Variants in CACNA1F observed in about 807,000 individuals in gnomAD.
CACNA1F encodes the protein voltage-dependent L-type calcium channel subunit alpha-1F.
CACNA1F carries 59 observed loss-of-function variants against 143.8 expected under a neutral mutation model. That is an observed-to-expected ratio of 0.41 (90% CI 0.33 to 0.51). The LOEUF is 0.51. Among genes scored for constraint, CACNA1F ranks in the 20% least tolerant of loss-of-function variants. The probability of loss-of-function intolerance (pLI) is 0.22; values close to 1 mark genes in which losing one functional copy is unlikely to be tolerated. For synonymous variants in CACNA1F, 643 were observed against 649.1 expected, an observed-to-expected ratio of 0.99 and a Z score of 0.14; for missense variants, 1,411 against 1,647.5, an observed-to-expected ratio of 0.86 and a Z score of 2.48.
chrX:49,215,564 G>A, intron 27 of CACNA1F, 21 bp from the exon 28 acceptor site: 1 of 875,836 alleles, frequency 1.1e-6, no homozygotes, highest in Middle Eastern at 3.2e-4. Context: ...CAGAGGGGGG[G>A]TAGAGGTGGG....
Position 49,214,263 on chromosome X carries a change from C to T in CACNA1F, c.3604G>A (p.Glu1202Lys), listed in dbSNP as rs1353072373. 19 of 1,135,702 alleles carry T rather than the reference C, an allele frequency of 1.7e-5. No individual in the cohort carries two copies. The highest frequency in any genetic ancestry group is 6.0e-5 in the East Asian group (2 of 33,521). The allele number at this position is 1,135,702 out of a possible 1,213,427, so 93.6% of individuals were successfully genotyped here. A position where few individuals can be genotyped will look rare whatever the true frequency, so the allele number is the denominator to read the frequency against. Reference sequence around the variant, plus strand: ...GCATAGTTGAAGGGAGCAGTCTGCTCATAGTGCTGCAGGAGAAAATCAGGT... The same window carrying T: ...GCATAGTTGAAGGGAGCAGTCTGCTTATAGTGCTGCAGGAGAAAATCAGGT... Reference protein sequence around the residue: ...NTVALAMQHYEQTAPFNYAMD... With the variant: ...NTVALAMQHYKQTAPFNYAMD... The change falls in exon 30 of 48, where the codon GAG becomes AAG. Residue 1202 changes from glutamate to lysine, a missense_variant. Physicochemically the swap from Glu to Lys is moderately conservative, Grantham distance 56. Coordinates refer to ENST00000323022, the MANE Select transcript of CACNA1F (RefSeq NM_001256789.3).
intron 20 of CACNA1F, 59 bp downstream of exon 20, chrX:49,219,575 A>G (rs782289224): frequency 1.7e-6 from 2 of 1,172,819 alleles, no homozygotes; most frequent in South Asian, 1.9e-5. Context: ...CTGCTCCTCC[A>G]TGCTCCTCCA....
Position 49,222,768 on chromosome X carries a change from G to T in CACNA1F, c.2156C>A (p.Pro719Gln). 1 of 1,209,569 alleles carries T rather than the reference G, an allele frequency of 8.3e-7. No homozygotes were observed. Among genetic ancestry groups the T allele is most frequent in the South Asian group, 1.8e-5 (1 of 56,924 alleles). The change falls in exon 16 of 48, where the codon CCA (proline) becomes CAA (glutamine). Residue 719 changes from proline (P) to glutamine (Q), a missense_variant. Pro to Gln is a moderately conservative substitution (Grantham distance 76, BLOSUM62 -1). Around this residue, in one of 3 missense-constraint regions of CACNA1F, gnomAD observed 950 missense variants for 1,128.1 expected, o/e 0.84. Transcript: ENST00000323022. ...GAAATAGATGCACACCAACATTCCT[G>T]GGAAGAAGGGGCCACCATATGCCAT... ...GIMAYGGPFF[P>Q]GMLVCIYFII...
chrX:49,222,568 C>A lies in CACNA1F; in HGVS notation c.2242G>T (p.Asp748Tyr). The A allele has an allele frequency of 8.3e-7, 1 of 1,210,983 alleles. No individual in the cohort carries two copies. The highest frequency in any genetic ancestry group is 2.3e-4 in the Middle Eastern group (1 of 4,349). Residue 748 changes from aspartate (D) to tyrosine (Y), a missense_variant, in exon 17 of 48, where the codon GAC (aspartate) becomes TAC (tyrosine). This residue lies in a region of CACNA1F where 950 missense variants were observed against 1,128.1 expected (regional missense o/e 0.84). Coordinates refer to ENST00000323022, the MANE Select transcript of CACNA1F (RefSeq NM_001256789.3). The stretch of plus-strand genomic sequence containing the variant: ...CCTGCATCTCCACTGGCCAGGTTGT[C>A]CACAGCAATGGCAAGAAACACGTTC... ...LLNVFLAIAV[D>Y]NLASGDAGTA... is the part of the protein sequence containing the mutation.
chrX:49,208,411 G>GT, intron 43 of CACNA1F, 104 bp downstream of exon 43: 21 of 414,473 alleles, frequency 5.1e-5, no homozygotes, highest in Admixed American at 7.3e-5. Context: ...AGGCCTCTAG[G>GT]CCCTCCCTCC....
Position 49,228,393 on chromosome X carries a change from G to C in CACNA1F, c.872C>G (p.Ala291Gly). 8.3e-7 allele frequency: 1 copy of C among 1,209,549 alleles called. No individual in the cohort carries two copies. Among genetic ancestry groups the C allele is most frequent in the Non-Finnish European group, 1.1e-6 (1 of 893,906 alleles). ...GCACTCAGTCTGGTTCAGCGTGCACGCACGCCCTGATCCCGAAGACGCACA... is the reference window on the plus strand; with the variant it reads ...GCACTCAGTCTGGTTCAGCGTGCACCCACGCCCTGATCCCGAAGACGCACA... Reference protein sequence around the residue: ...SPCASSGSGRACTLNQTECRG... With the variant: ...SPCASSGSGRGCTLNQTECRG... Residue 291 changes from alanine to glycine, a missense_variant, in exon 7 of 48, where the codon GCG becomes GGG. Transcript: ENST00000323022.
At chrX:49,206,339 G>A (rs1227285833) in intron 46 of CACNA1F, among the ~76,000 whole-genome samples, 172 bp downstream of exon 46, 2 of 88,832 alleles carry the variant, frequency 2.3e-5, no homozygotes, top group African/African-American at 9.0e-5. Context: ...GTTACAGTGA[G>A]CCAAGATCTC....
chrX:49,221,462 G>A (rs782197898), intron 17 of CACNA1F, among the ~76,000 whole-genome samples: 31 of 110,814 alleles, frequency 2.8e-4, no homozygotes, highest in South Asian at 2.7e-3. Context: ...AGGCTAGAGG[G>A]CAGTGGTGCG....
intron 36 of CACNA1F, 39 bp from the exon 37 acceptor site, chrX:49,211,131 C>G: frequency 8.4e-7 from 1 of 1,196,314 alleles, no homozygotes; most frequent in Non-Finnish European, 1.1e-6. Flanking sequence ...AGGTGAAGGG[C>G]AGAACACTGT....
At chrX:49,230,129 G>T in intron 6 of CACNA1F, 91 bp downstream of exon 6, 1 of 816,644 alleles carries the variant, frequency 1.2e-6, no homozygotes, top group Non-Finnish European at 1.7e-6. Flanking sequence ...GCCGAATCTT[G>T]TGCATTTCAG....
At chrX:49,207,141 C>T (rs1557105140) in intron 43 of CACNA1F, 29 bp from the exon 44 acceptor site, 1 of 909,912 alleles carries the variant, frequency 1.1e-6, no homozygotes, top group Non-Finnish European at 1.6e-6. Flanking sequence ...GTTAGGCAGA[C>T]CAGATCCCTC....
At chrX:49,231,587 G>C (rs782658050) in intron 2 of CACNA1F, 91 bp downstream of exon 2, 4 of 1,091,978 alleles carry the variant, frequency 3.7e-6, no homozygotes, top group South Asian at 1.9e-5. Context: ...GATGATCTCA[G>C]CCCTCCTCTG....
At chrX:49,229,566 C>T (rs2065856825) in intron 6 of CACNA1F, among the ~76,000 whole-genome samples, 1 of 112,913 alleles carries the variant, frequency 8.9e-6, no homozygotes, top group Admixed American at 9.3e-5. Context: ...CCTCCCGCCT[C>T]GGCCTCCCAA....
intron 19 of CACNA1F, 24 bp from the exon 20 acceptor site, chrX:49,219,814 A>G (rs1686247095): frequency 1.1e-6 from 1 of 950,453 alleles, no homozygotes; most frequent in Non-Finnish European, 1.5e-6. Flanking sequence ...AAAGCAAAAA[A>G]AAATTAATTG....
At position 49,226,663 on chromosome X, in the gene CACNA1F, C is replaced by A; in HGVS notation, c.1316G>T (p.Arg439Leu). ...AGTAGAATGACTGAACCAGCGCAGACGTCCACGCCTCCTATTGGTCAGCTC... is the reference window on the plus strand; with the variant it reads ...AGTAGAATGACTGAACCAGCGCAGAAGTCCACGCCTCCTATTGGTCAGCTC... ...LAELTNRRRG[R>L]LRWFSHSTRS... is the part of the protein sequence containing the mutation. Residue 439 changes from arginine (R) to leucine (L), a missense_variant, in exon 10 of 48, where the codon CGT (arginine) becomes CTT (leucine). Arg to Leu is a moderately radical substitution (Grantham distance 102). Coordinates refer to ENST00000323022, the MANE Select transcript of CACNA1F (RefSeq NM_001256789.3). 1 of 1,183,378 alleles carries A rather than the reference C, an allele frequency of 8.5e-7. No individual in the cohort carries two copies. The highest frequency in any genetic ancestry group is 1.1e-6 in the Non-Finnish European group (1 of 881,176).
intron 39 of CACNA1F, 113 bp from the exon 40 acceptor site, chrX:49,210,155 C>T: frequency 1.5e-6 from 1 of 677,943 alleles, no homozygotes; most frequent in Non-Finnish European, 2.4e-6. Flanking sequence ...GCACACCGCC[C>T]CCATTGGACG....
At chrX:49,218,208 C>T (rs931935035) in intron 24 of CACNA1F, among the ~76,000 whole-genome samples, 3 of 111,813 alleles carry the variant, frequency 2.7e-5, no homozygotes, top group Non-Finnish European at 3.8e-5. Flanking sequence ...AAGTGTTTGC[C>T]GGGTGGGGAT....
rs1557108931 is a variant in CACNA1F, at chrX:49,222,557, G to T, written c.2253C>A (p.Ala751=). ...CCTTGGCAGTGCCTGCATCTCCACT[G>T]GCCAGGTTGTCCACAGCAATGGCAA... ...VFLAIAVDNL[A]SGDAGTAKDK... is the part of the protein sequence containing the mutation. Residue 751 remains alanine, a synonymous_variant, in exon 17 of 48, where the codon GCC becomes GCA. Transcript: ENST00000323022. The T allele has an allele frequency of 8.3e-7, 1 of 1,210,653 alleles. No individual in the cohort carries two copies. The highest frequency in any genetic ancestry group is 1.1e-6 in the Non-Finnish European group (1 of 894,797).
At position 49,205,671 on chromosome X, in the gene CACNA1F, G is replaced by A; in HGVS notation, c.5615C>T (p.Thr1872Ile). 8.3e-7 allele frequency: 1 copy of A among 1,205,543 alleles called. No individual in the cohort carries two copies. Among genetic ancestry groups the A allele is most frequent in the Non-Finnish European group, 1.1e-6 (1 of 892,212 alleles). ...CTTCCCATGGCTGGGGTCCGAGTGG[G>A]TTCCAGGCACGTGCAGACAGGTGAA... Reference protein sequence around the residue: ...RTFTCLHVPGTHSDPSHGKRG... With the variant: ...RTFTCLHVPGIHSDPSHGKRG... Residue 1872 changes from threonine (T) to isoleucine (I), a missense_variant, in exon 47 of 48, where the codon ACC (threonine) becomes ATC (isoleucine). Transcript: ENST00000323022.
Sources: allele counts gnomAD v4.1 joint callset (sites outside exome capture counted in the v4.1 genomes callset), GRCh38; gene constraint gnomAD v4.1.1; regional missense constraint gnomAD v4.1.1; transcripts MANE v1.5; gene names NCBI Gene and HGNC (gene_info 2026-07-23, HGNC 2026-07-21).